Variants in RPH3A observed in about 807,000 individuals in gnomAD.
The protein encoded by RPH3A is rabphilin-3A.
A neutral mutation model predicts 102.2 loss-of-function variants in RPH3A; 48 were observed. The ratio of observed to expected loss-of-function variants is 0.47; its 90% confidence interval spans 0.37 to 0.60. The LOEUF (loss-of-function observed/expected upper bound fraction) is 0.60. RPH3A is among the 20% of genes least tolerant of loss of function. The pLI, the probability that RPH3A is intolerant of heterozygous loss-of-function variation, is 0.00. For synonymous variants in RPH3A, 310 were observed against 324.3 expected (o/e 0.96, Z 0.47); for missense variants, 781 against 910.1 (o/e 0.86, Z 1.83).
chr12:112,826,503 G>A (rs2041876198), intron 2 of RPH3A, among the ~76,000 whole-genome samples: 1 of 152,160 alleles, frequency 6.6e-6, no homozygotes. Flanking sequence ...GGCCTTTGCA[G>A]ATGTATATAC....
intron 1 of RPH3A, among the ~76,000 whole-genome samples, chr12:112,715,833 A>G (rs1002839329): frequency 6.6e-6 from 1 of 152,220 alleles, no homozygotes; most frequent in East Asian, 1.9e-4. Context: ...AAAGTAATGG[A>G]ATAAAAGAAT....
intron 17 of RPH3A, 126 bp from the exon 18 acceptor site, chr12:112,889,898 G>A (rs2043062887): frequency 1.2e-6 from 1 of 809,774 alleles, no homozygotes; most frequent in East Asian, 2.5e-5. Flanking sequence ...GAGAGCCACA[G>A]TAGCTTAAGA....
At chr12:112,883,518 A>AT in intron 16 of RPH3A, 116 bp downstream of exon 16, 1 of 681,616 alleles carries the variant, frequency 1.5e-6, no homozygotes, top group Non-Finnish European at 2.5e-6. Context: ...TACATAGTTT[A>AT]TTTTTTTCCT....
At chr12:112,609,599 C>T (rs2039622748) in intron 1 of RPH3A, among the ~76,000 whole-genome samples, 1 of 152,172 alleles carries the variant, frequency 6.6e-6, no homozygotes, top group African/African-American at 2.4e-5. Flanking sequence ...CTGTGCTTCC[C>T]CTCCTCTGCT....
intron 5 of RPH3A, among the ~76,000 whole-genome samples, chr12:112,863,289 C>G (rs1347965794): frequency 6.6e-6 from 1 of 152,174 alleles, no homozygotes; most frequent in Non-Finnish European, 1.5e-5. Context: ...GTGCTAGGGT[C>G]ATGCGTATGA....
In RPH3A at chr12:112,826,128, G is replaced by A. The variant is rs137937484; in HGVS notation, c.-18-2173G>A. Among the ~76,000 whole-genome samples, 599 of 152,194 alleles carry A rather than the reference G, an allele frequency of 3.9e-3. 6 individuals carry two copies. Among genetic ancestry groups the A allele is most frequent in the African/African-American group, 0.014 (565 of 41,486 alleles). ...CGCTGTGGGAGCTGTTTTAAACTGAGCGGTCAGGGAGGCCCTCTTGGACGA... is the reference window on the plus strand; with the variant it reads ...CGCTGTGGGAGCTGTTTTAAACTGAACGGTCAGGGAGGCCCTCTTGGACGA... On this transcript the variant is annotated intron_variant, in intron 2 of 21. Coordinates refer to ENST00000389385, the MANE Select transcript of RPH3A (RefSeq NM_001143854.2).
chr12:112,791,899 A>AGAGAGAGAGAGAGAGAGAGAGAGAGG lies in RPH3A; in HGVS notation c.-247_-246insGAGAGAGAGAGAGAGAGAGGGAGAGA, dbSNP rs1555209151. 17 of 150,702 alleles carry AGAGAGAGAGAGAGAGAGAGAGAGAGG rather than the reference A, an allele frequency of 1.1e-4. No individual in the cohort carries two copies. Among genetic ancestry groups the AGAGAGAGAGAGAGAGAGAGAGAGAGG allele is most frequent in the African/African-American group, 1.9e-4 (8 of 41,050 alleles). 9.3% of individuals were successfully genotyped at this position (150,702 alleles called of 1,614,324 possible). The stretch of plus-strand genomic sequence containing the variant: ...GAGAGAGAGAGAGAGAGAGAGAGAG[A>AGAGAGAGAGAGAGAGAGAGAGAGAGG]GAGAGACTCACAGAGCTAAAACCTT... On this transcript the variant is annotated 5_prime_UTR_variant, in exon 1 of 22. Transcript: ENST00000389385.
In RPH3A at chr12:112,880,209, T is replaced by C. The variant is rs1468107078; in HGVS notation, c.1251+1011T>C. Among the ~76,000 whole-genome samples the C allele has an allele frequency of 2.6e-5, 4 of 152,348 alleles. No individual in the cohort carries two copies. The East Asian group carries it at 7.7e-4, about 29-fold the overall frequency. Reference sequence around the variant, plus strand: ...GACATCTATTATGTATCAGCATTTATTGGACATCTATTATGTATCAGCATT... The same window carrying C: ...GACATCTATTATGTATCAGCATTTACTGGACATCTATTATGTATCAGCATT... On this transcript the variant is annotated intron_variant, in intron 14 of 21. Transcript: ENST00000389385.
At chr12:112,765,895 A>C (rs937992038) in intron 1 of RPH3A, among the ~76,000 whole-genome samples, 1 of 152,108 alleles carries the variant, frequency 6.6e-6, no homozygotes, top group Non-Finnish European at 1.5e-5. Flanking sequence ...AACCAGGAAA[A>C]CCTTTTAGAA....
rs561615861 is a variant in RPH3A, at chr12:112,698,885, C to CCCTTCT, written c.-139-93258_-139-93257insCCTTCT. Among the ~76,000 whole-genome samples, 580 of 147,760 alleles carry CCCTTCT rather than the reference C, an allele frequency of 3.9e-3. 7 individuals carry two copies. The highest frequency in any genetic ancestry group is 0.014 in the African/African-American group (550 of 39,640). The stretch of plus-strand genomic sequence containing the variant: ...CCCCTTCCCCTTCCCCTTCCCCTTC[C>CCCTTCT]GCTTCCCTTTCCCCTTCCTCCTCCC... On this transcript the variant is annotated intron_variant, in intron 1 of 21. Coordinates refer to the RPH3A transcript ENST00000543106.
intron 5 of RPH3A, among the ~76,000 whole-genome samples, chr12:112,861,123 A>G (rs772102539): frequency 1.3e-5 from 2 of 152,156 alleles, no homozygotes; most frequent in Non-Finnish European, 2.9e-5. Flanking sequence ...CTCTCCCACC[A>G]TGCTGCCACA....
intron 5 of RPH3A, among the ~76,000 whole-genome samples, chr12:112,863,660 C>A (rs768620143): frequency 3.9e-5 from 6 of 152,176 alleles, no homozygotes; most frequent in Non-Finnish European, 7.3e-5. Flanking sequence ...AGCTGTGTGA[C>A]CTTGGGTAAG....
intron 1 of RPH3A, among the ~76,000 whole-genome samples, chr12:112,737,570 A>G (rs2040678701): frequency 6.6e-6 from 1 of 152,172 alleles, no homozygotes; most frequent in South Asian, 2.1e-4. Flanking sequence ...TTCCCATTTC[A>G]ATCCCAGACA....
At chr12:112,744,169 A>G (rs1266768991) in intron 1 of RPH3A, among the ~76,000 whole-genome samples, 1 of 152,020 alleles carries the variant, frequency 6.6e-6, no homozygotes, top group South Asian at 2.1e-4. Flanking sequence ...TCTGTCTCCC[A>G]GGTTCAAGCA....
intron 1 of RPH3A, among the ~76,000 whole-genome samples, chr12:112,782,999 G>A (rs983399949): frequency 1.3e-4 from 20 of 152,170 alleles, no homozygotes; most frequent in Admixed American, 1.2e-3. Context: ...CTTCTAGAGA[G>A]GCTGTGCCAG....
intron 1 of RPH3A, among the ~76,000 whole-genome samples, chr12:112,680,093 G>A (rs947543226): frequency 7.9e-5 from 12 of 152,184 alleles, no homozygotes; most frequent in African/African-American, 2.7e-4. Context: ...AAGGAATGGG[G>A]GCAGAAAAGG....
chr12:112,779,928 G>A (rs113161264), intron 1 of RPH3A, among the ~76,000 whole-genome samples: 4 of 152,164 alleles, frequency 2.6e-5, no homozygotes, highest in African/African-American at 7.2e-5. Context: ...AGGCCATGGG[G>A]TGATGGAGGC....
chr12:112,890,647 G>T (rs975955806), intron 18 of RPH3A, among the ~76,000 whole-genome samples: 6 of 152,162 alleles, frequency 3.9e-5, no homozygotes, highest in Non-Finnish European at 8.8e-5. Context: ...GGAAGCCATT[G>T]GTCCCCATGT....
At chr12:112,887,513 T>G (rs1240596167) in intron 16 of RPH3A, among the ~76,000 whole-genome samples, 1 of 152,212 alleles carries the variant, frequency 6.6e-6, no homozygotes, top group Admixed American at 6.5e-5. Flanking sequence ...TCTTTCAGTC[T>G]CTGGAATGTT....
Sources: gnomAD v4.1 joint callset for allele counts (sites outside exome capture counted in the v4.1 genomes callset) on GRCh38, gnomAD v4.1.1 for gene constraint, MANE v1.5 for transcripts, NCBI Gene and HGNC (gene_info 2026-07-23, HGNC 2026-07-21) for gene names.